The following ALG5 variants were observed in gnomAD, a reference collection of about 807,000 sequenced individuals.
ALG5 encodes ALG5 dolichyl-phosphate beta-glucosyltransferase.
In ALG5, 26 loss-of-function variants were observed where a neutral mutation model predicts 51.8. The ratio of observed to expected loss-of-function variants is 0.50; its 90% CI spans 0.37 to 0.70. The LOEUF (loss-of-function observed/expected upper bound fraction) is 0.70. Among genes scored for constraint, ALG5 ranks in the 30% least tolerant of loss-of-function variants. The pLI, the probability that ALG5 is intolerant of heterozygous loss-of-function variation, is 0.00. For synonymous variants in ALG5, 141 were observed against 136.1 expected (o/e 1.04, Z -0.25); for missense variants, 311 against 399.3 (o/e 0.78, Z 1.88).
chr13:36,997,947 CAT>C (rs1296149591), intron 1 of ALG5, among the ~76,000 whole-genome samples: 2 of 152,168 alleles, frequency 1.3e-5, no homozygotes, highest in Non-Finnish European at 2.9e-5. Flanking sequence ...ATTTCTCCAA[CAT>C]GTTTCCTCAC....
At chr13:36,996,516 G>GA (rs2059051251) in intron 1 of ALG5, among the ~76,000 whole-genome samples, 1 of 152,082 alleles carries the variant, frequency 6.6e-6, no homozygotes, top group African/African-American at 2.4e-5. Flanking sequence ...TAGTCAACCT[G>GA]AATGGGCTCT....
At chr13:36,993,957 T>C (rs1464786319) in intron 3 of ALG5, among the ~76,000 whole-genome samples, 3 of 152,170 alleles carry the variant, frequency 2.0e-5, no homozygotes, top group Non-Finnish European at 1.5e-5. Flanking sequence ...GTACTTGTGG[T>C]GCTATAGCAC....
At chr13:36,950,588 GT>G (rs10717967) in intron 9 of ALG5, among the ~76,000 whole-genome samples, 133,291 of 150,814 alleles carry the variant, frequency 0.88, 58,936 homozygotes, top group East Asian at 1. Context: ...TTCTTTTTTT[GT>G]TTTTTTTTTA....
intron 6 of ALG5, among the ~76,000 whole-genome samples, chr13:36,981,691 C>G (rs535846393): frequency 6.6e-6 from 1 of 152,148 alleles, no homozygotes; most frequent in African/African-American, 2.4e-5. Context: ...AAAGAGTTGG[C>G]AATACCTGTA....
At chr13:36,989,328 T>C (rs965157966) in intron 5 of ALG5, among the ~76,000 whole-genome samples, 156 bp downstream of exon 5, 2 of 152,220 alleles carry the variant, frequency 1.3e-5, no homozygotes, top group Non-Finnish European at 2.9e-5. Context: ...TGACACATCT[T>C]AAAATTTGAC....
At chr13:36,956,649 G>A (rs1166513135) in intron 8 of ALG5, among the ~76,000 whole-genome samples, 3 of 152,098 alleles carry the variant, frequency 2.0e-5, no homozygotes, top group Non-Finnish European at 4.4e-5. Flanking sequence ...ATTCAGCCTT[G>A]GGCAACCTCC....
At chr13:36,990,739 C>T (rs2059021767) in intron 4 of ALG5, among the ~76,000 whole-genome samples, 1 of 97,354 alleles carries the variant, frequency 1.0e-5, no homozygotes, top group South Asian at 5.4e-4. Context: ...CAAATGGCAT[C>T]ATCATCTACT....
At position 36,980,472 on chromosome 13, in the gene ALG5, C is replaced by T. The variant is rs117881148; in HGVS notation, c.561+5155G>A. On this transcript the variant is annotated intron_variant, in intron 6 of 9. Transcript: ENST00000239891. ...ATACTCCTGGCCTCAAACGATCCTC[C>T]CACCATGGCCTCTCAAAGCGCTGGG... Among the ~76,000 whole-genome samples, 805 of 152,090 alleles carry T rather than the reference C, an allele frequency of 5.3e-3. 2 individuals carry two copies. Among genetic ancestry groups the T allele is most frequent in the Non-Finnish European group, 9.5e-3 (643 of 67,984 alleles).
At chr13:36,992,541 A>G (rs2059030199) in intron 4 of ALG5, among the ~76,000 whole-genome samples, 1 of 152,192 alleles carries the variant, frequency 6.6e-6, no homozygotes, top group Admixed American at 6.5e-5. Flanking sequence ...TGGATGCACA[A>G]TGAAGCTTTA....
intron 6 of ALG5, among the ~76,000 whole-genome samples, chr13:36,972,809 A>G (rs1361813684): frequency 5.3e-5 from 8 of 151,978 alleles, no homozygotes; most frequent in Non-Finnish European, 7.4e-5. Context: ...TGGCTAACAC[A>G]GCGAAACCCC....
At chr13:36,956,582 G>A (rs1295223341) in intron 8 of ALG5, among the ~76,000 whole-genome samples, 1 of 152,188 alleles carries the variant, frequency 6.6e-6, no homozygotes, top group Non-Finnish European at 1.5e-5. Flanking sequence ...CAACCTAAGG[G>A]TCTGTCAACA....
chr13:36,968,382 A>G (rs1190302304), intron 7 of ALG5, among the ~76,000 whole-genome samples: 2 of 152,240 alleles, frequency 1.3e-5, no homozygotes, highest in African/African-American at 4.8e-5. Flanking sequence ...AAGAAGTTCA[A>G]AGAAGTCCCA....
At chr13:36,992,535 T>G (rs890593373) in intron 4 of ALG5, among the ~76,000 whole-genome samples, 1 of 152,200 alleles carries the variant, frequency 6.6e-6, no homozygotes, top group Non-Finnish European at 1.5e-5. Context: ...TTGGAATGGA[T>G]GCACAATGAA....
intron 8 of ALG5, among the ~76,000 whole-genome samples, chr13:36,960,182 T>C (rs542863420): frequency 6.6e-6 from 1 of 152,322 alleles, no homozygotes; most frequent in African/African-American, 2.4e-5. Context: ...AAAATAATTA[T>C]TTTAAAACTG....
intron 8 of ALG5, among the ~76,000 whole-genome samples, chr13:36,953,895 A>G (rs2058828637): frequency 6.6e-6 from 1 of 152,196 alleles, no homozygotes. Context: ...TTAACACAAA[A>G]ACAAAATATT....
intron 9 of ALG5, among the ~76,000 whole-genome samples, chr13:36,950,642 C>T (rs554418577): frequency 2.2e-4 from 34 of 151,922 alleles, no homozygotes; most frequent in African/African-American, 7.2e-4. Flanking sequence ...TGCAGTGACA[C>T]GATTATGGCT....
chr13:36,951,043 T>C (rs1386235866), intron 9 of ALG5, among the ~76,000 whole-genome samples: 2 of 152,200 alleles, frequency 1.3e-5, no homozygotes, highest in African/African-American at 2.4e-5. Flanking sequence ...TCTGAAAACA[T>C]TACCACCAAA....
chr13:36,992,299 G>A (rs148601839), intron 4 of ALG5, among the ~76,000 whole-genome samples: 153 of 152,236 alleles, frequency 1.0e-3, no homozygotes, highest in Middle Eastern at 6.8e-3. Context: ...CAGAACTCTC[G>A]ACTTCTGCTT....
At chr13:36,997,868 T>C (rs773005004) in intron 1 of ALG5, among the ~76,000 whole-genome samples, 18 of 152,330 alleles carry the variant, frequency 1.2e-4, no homozygotes, top group Non-Finnish European at 2.6e-4. Flanking sequence ...ATTTTTTTAA[T>C]GATTTCTTGC....
Sources: gnomAD v4.1 joint callset for allele counts (sites outside exome capture counted in the v4.1 genomes callset) on GRCh38, gnomAD v4.1.1 for gene constraint, MANE v1.5 for transcripts, NCBI Gene and HGNC (gene_info 2026-07-23, HGNC 2026-07-21) for gene names.